Variants in ARNT2 observed in about 807,000 individuals in gnomAD.
ARNT2 encodes aryl hydrocarbon receptor nuclear translocator 2, also known as ARNT protein 2.
In ARNT2, 36 loss-of-function variants were observed where a neutral mutation model predicts 91.7. The ratio of observed to expected loss-of-function variants is 0.39; its 90% CI spans 0.30 to 0.52. The LOEUF (loss-of-function observed/expected upper bound fraction) is 0.52. Among genes scored for constraint, ARNT2 ranks in the 20% least tolerant of loss-of-function variants. ARNT2 has a pLI of 0.72. For missense variants in ARNT2, 775 were observed against 939.3 expected (o/e 0.83, Z 2.29); for synonymous variants, 365 against 347.1 (o/e 1.05, Z -0.57).
chr15:80,445,610 C>T (rs1054130901), intron 1 of ARNT2, among the ~76,000 whole-genome samples: 2 of 151,616 alleles, frequency 1.3e-5, no homozygotes, highest in East Asian at 1.9e-4. Flanking sequence ...TGGAGGAGGC[C>T]GGTGCAGCAT....
In ARNT2 at chr15:80,575,079, G is replaced by A. The variant is rs1898648936; in HGVS notation, c.1482G>A (p.Arg494=). Residue 494 remains arginine, a synonymous_variant, in exon 14 of 19, where the codon CGG becomes CGA. Transcript: ENST00000303329. ...DAIFSQERDP[R]FAEMFAGISA... is the part of the protein sequence containing the mutation. The stretch of plus-strand genomic sequence containing the variant: ...TCTTCTCCCAGGAAAGAGATCCTCG[G>A]TTTGCTGAAATGTTTGCAGGAATTA... 3 of 1,614,214 alleles carry A rather than the reference G, an allele frequency of 1.9e-6. No homozygotes were observed. Among genetic ancestry groups the A allele is most frequent in the South Asian group, 2.2e-5 (2 of 91,088 alleles).
At chr15:80,439,912 G>A (rs1896162462) in intron 1 of ARNT2, among the ~76,000 whole-genome samples, 1 of 152,146 alleles carries the variant, frequency 6.6e-6, no homozygotes, top group Non-Finnish European at 1.5e-5. Flanking sequence ...ACCATCCCAT[G>A]GTTCTTTCTC....
rs902158972 is a variant in ARNT2, at chr15:80,592,296, C to G, written c.2055+592C>G. ...GCTGGGGATGGCACTGCTGCAGCCC[C>G]ACAGAGCAGGCCCCTGCCCTTTGTG... On this transcript the variant is annotated intron_variant, in intron 18 of 18. Coordinates refer to ENST00000303329, the MANE Select transcript of ARNT2 (RefSeq NM_014862.4). Among the ~76,000 whole-genome samples, 3 of 152,348 alleles carry G rather than the reference C, an allele frequency of 2.0e-5. No individual in the cohort carries two copies. In the South Asian group the frequency reaches 6.2e-4, roughly 32 times the overall value.
At chr15:80,457,622 C>G (rs1317674) in intron 2 of ARNT2, among the ~76,000 whole-genome samples, 1 of 152,136 alleles carries the variant, frequency 6.6e-6, no homozygotes, top group Non-Finnish European at 1.5e-5. Flanking sequence ...ATAGCCAGAG[C>G]AATCCATTGT....
intron 8 of ARNT2, among the ~76,000 whole-genome samples, chr15:80,521,882 C>G (rs1010011440): frequency 1.3e-5 from 2 of 151,978 alleles, no homozygotes; most frequent in African/African-American, 2.4e-5. Context: ...GATAATGATC[C>G]AAGTCCTATC....
intron 8 of ARNT2, among the ~76,000 whole-genome samples, chr15:80,540,653 TC>T (rs1897890764): frequency 1.3e-5 from 2 of 152,210 alleles, no homozygotes; most frequent in African/African-American, 4.8e-5. Flanking sequence ...CCCTCCTCCT[TC>T]CCCCATCTAG....
At chr15:80,573,114 A>G (rs1159791423) in intron 12 of ARNT2, among the ~76,000 whole-genome samples, 3 of 152,234 alleles carry the variant, frequency 2.0e-5, no homozygotes, top group African/African-American at 4.8e-5. Context: ...TGCCATGCAC[A>G]CTTCCCCAAC....
intron 1 of ARNT2, chr15:80,445,190 G>A (rs375718545): frequency 0.016 from 2,409 of 151,362 alleles, 51 homozygotes; most frequent in African/African-American, 0.054. Flanking sequence ...CAGGGTGTGT[G>A]GGGTGTGTGA....
At chr15:80,565,770 T>G (rs1898469411) in intron 12 of ARNT2, among the ~76,000 whole-genome samples, 1 of 152,222 alleles carries the variant, frequency 6.6e-6, no homozygotes. Flanking sequence ...TTGTGGATTC[T>G]GGATATCATG....
At chr15:80,513,794 C>A in intron 6 of ARNT2, 117 bp from the exon 7 acceptor site, 1 of 816,746 alleles carries the variant, frequency 1.2e-6, no homozygotes, top group Non-Finnish European at 2.0e-6. Context: ...TGGCTATAGG[C>A]GTCACCTGAA....
At chr15:80,557,321 T>G (rs568910684) in intron 11 of ARNT2, among the ~76,000 whole-genome samples, 45 of 152,244 alleles carry the variant, frequency 3.0e-4, no homozygotes, top group Non-Finnish European at 5.0e-4. Flanking sequence ...GATCTCCCCT[T>G]GGCTGCCTTC....
intron 2 of ARNT2, among the ~76,000 whole-genome samples, chr15:80,455,257 T>A (rs1303860072): frequency 6.6e-6 from 1 of 152,184 alleles, no homozygotes; most frequent in Non-Finnish European, 1.5e-5. Context: ...TGTTTTCGGG[T>A]GGATTGAGTC....
At chr15:80,413,967 GA>G (rs745759176) in intron 1 of ARNT2, among the ~76,000 whole-genome samples, 17 of 152,202 alleles carry the variant, frequency 1.1e-4, no homozygotes, top group Non-Finnish European at 1.8e-4. Flanking sequence ...GGGAGGCCAG[GA>G]AAGTTACACA....
chr15:80,449,963 G>A (rs1005276596), intron 1 of ARNT2, among the ~76,000 whole-genome samples: 20 of 152,276 alleles, frequency 1.3e-4, no homozygotes, highest in Middle Eastern at 3.4e-3. Flanking sequence ...TGTGGAAGTC[G>A]TTCCCAACCA....
Position 80,454,750 on chromosome 15 carries a change from G to C in ARNT2, c.147-3179G>C, listed in dbSNP as rs536244482. 8.5e-5 allele frequency among the ~76,000 whole-genome samples: 13 copies of C among 152,294 alleles called. No individual in the cohort carries two copies. The East Asian group carries it at 2.5e-3, about 29-fold the overall frequency. On this transcript the variant is annotated intron_variant, in intron 2 of 18. Transcript: ENST00000303329. ...TCTCACTAGAGCATAAGTGACTTCT[G>C]TTTAGAGGCTCGTATTTGATGAAGC...
intron 3 of ARNT2, among the ~76,000 whole-genome samples, chr15:80,461,400 G>A (rs543557796): frequency 1.6e-4 from 25 of 152,348 alleles, no homozygotes; most frequent in African/African-American, 5.5e-4. Context: ...GTGAAGGGAG[G>A]CCGGCAGGCC....
At chr15:80,467,211 G>C (rs1176974145) in intron 3 of ARNT2, among the ~76,000 whole-genome samples, 2 of 152,176 alleles carry the variant, frequency 1.3e-5, no homozygotes, top group African/African-American at 2.4e-5. Flanking sequence ...GGAGAAAAAG[G>C]CTGGGAAAAG....
At chr15:80,495,228 A>C (rs1276588752) in intron 5 of ARNT2, among the ~76,000 whole-genome samples, 1 of 152,200 alleles carries the variant, frequency 6.6e-6, no homozygotes, top group African/African-American at 2.4e-5. Context: ...TATTCTTACT[A>C]TCTGAAAACA....
chr15:80,583,755 G>A (rs1194505811), intron 17 of ARNT2, among the ~76,000 whole-genome samples: 1 of 152,186 alleles, frequency 6.6e-6, no homozygotes, highest in Non-Finnish European at 1.5e-5. Flanking sequence ...TGCCTTTGGA[G>A]CCAAGAATCA....
Sources: gnomAD v4.1 joint callset for allele counts (sites outside exome capture counted in the v4.1 genomes callset) on GRCh38, gnomAD v4.1.1 for gene constraint, MANE v1.5 for transcripts, NCBI Gene and HGNC (gene_info 2026-07-23, HGNC 2026-07-21) for gene names.